KPTN: variants seen among roughly 807,000 people sequenced by gnomAD.
KPTN encodes the protein kaptin, actin binding protein.
A neutral mutation model predicts 52.6 loss-of-function variants in KPTN; 36 were observed. The observed-to-expected ratio is 0.68, with a 90% CI of 0.52 to 0.90. The LOEUF is 0.90. KPTN is among the 40% of genes least tolerant of loss of function. The pLI is 0.00. For missense variants in KPTN, 529 were observed against 576.2 expected (o/e 0.92, Z 0.84); for synonymous variants, 271 against 248.4 (o/e 1.09, Z -0.85).
Position 47,476,823 on chromosome 19 carries a change from G to T in KPTN, c.979C>A (p.Leu327Met). The change falls in exon 10 of 12, where the codon CTG (leucine) becomes ATG (methionine). Residue 327 changes from leucine (L) to methionine (M), a missense_variant. Leu to Met is a conservative substitution (Grantham distance 15). Coordinates refer to ENST00000338134, the MANE Select transcript of KPTN (RefSeq NM_007059.4). ...CCCACCTGTCCATAGGTGGCCACCA[G>T]GACTTCTGGCCGCCCATCCAAATCC... ...DVDLDGRPEV[L>M]VATYGQELLC... is the part of the protein sequence containing the mutation. 1 of 1,585,972 alleles carries T rather than the reference G, an allele frequency of 6.3e-7. No homozygotes were observed. The highest frequency in any genetic ancestry group is 2.3e-5 in the East Asian group (1 of 43,584).
At position 47,483,936 on chromosome 19, in the gene KPTN, G is replaced by A; in HGVS notation, c.225C>T (p.Pro75=). ...VAKELQFNYI[P]VDAEIVSIDT... Reference sequence around the variant, plus strand: ...CCCCAGCACCATAGCGCCACCCACCGGGAATGTAGTTGAACTGCAGCTCCT... The same window carrying A: ...CCCCAGCACCATAGCGCCACCCACCAGGAATGTAGTTGAACTGCAGCTCCT... The change falls in exon 1 of 12, where the codon CCC becomes CCT. Residue 75 remains proline (P), a splice_region_variant and synonymous_variant. Coordinates refer to ENST00000338134, the MANE Select transcript of KPTN (RefSeq NM_007059.4). 6.2e-7 allele frequency: 1 copy of A among 1,612,460 alleles called. No homozygotes were observed.
At chr19:47,482,622 C>A (rs1967922354) in intron 4 of KPTN, among the ~76,000 whole-genome samples, 1 of 152,120 alleles carries the variant, frequency 6.6e-6, no homozygotes, top group Non-Finnish European at 1.5e-5. Context: ...TGCACATGTG[C>A]TCCCTGTTAT....
chr19:47,484,943 G>A (rs1315541176), upstream of KPTN, among the ~76,000 whole-genome samples: 4 of 152,018 alleles, frequency 2.6e-5, no homozygotes, highest in Non-Finnish European at 5.9e-5. Context: ...CAGGTGATCC[G>A]CCCACCTCGG....
In KPTN at chr19:47,480,248, C is replaced by G; in HGVS notation, c.709+50G>C. ...AGCCCTCAGCCCCACCCTGGCCCCG[C>G]CCTCTAGCCCTCAACCCCACCCCTT... is the stretch of plus-strand genomic sequence containing the variant. On this transcript the variant is annotated intron_variant, in intron 7 of 11. Transcript: ENST00000338134. 3 of 1,169,654 alleles carry G rather than the reference C, an allele frequency of 2.6e-6. No homozygotes were observed. The East Asian group carries it at 7.9e-5, about 31-fold the overall frequency. The allele number at this position is 1,169,654 out of a possible 1,614,324, so 72.5% of individuals were successfully genotyped here. A position where few individuals can be genotyped will look rare whatever the true frequency, so the allele number is the denominator to read the frequency against.
chr19:47,485,042 TAC>T (rs1016040411), upstream of KPTN, among the ~76,000 whole-genome samples: 59 of 152,222 alleles, frequency 3.9e-4, no homozygotes, highest in African/African-American at 1.4e-3. Context: ...AAATAATTAA[TAC>T]ATTCTTCTTG....
At chr19:47,477,236 C>T (rs191542318) in intron 9 of KPTN, among the ~76,000 whole-genome samples, 102 of 152,320 alleles carry the variant, frequency 6.7e-4, no homozygotes, top group Admixed American at 1.1e-3. Context: ...ACGCTGCCTT[C>T]GTGGAGCCCG....
chr19:47,476,419 T>G (rs1042169805), intron 11 of KPTN, 113 bp downstream of exon 11: 6 of 771,424 alleles, frequency 7.8e-6, no homozygotes, highest in Non-Finnish European at 1.1e-5. Flanking sequence ...TTGTCCTGAC[T>G]GGTAGGAACT....
chr19:47,476,007 CA>C (rs113284887), intron 11 of KPTN: 3,043 of 83,046 alleles, frequency 0.037, 50 homozygotes, highest in African/African-American at 0.087. Flanking sequence ...ACAAAAAAAC[CA>C]AAAAAAAAAA....
chr19:47,479,502 G>A (rs1487228868), intron 8 of KPTN, among the ~76,000 whole-genome samples: 1 of 152,176 alleles, frequency 6.6e-6, no homozygotes, highest in African/African-American at 2.4e-5. Flanking sequence ...GGGCCACAGA[G>A]CGGGGTGAGG....
intron 1 of KPTN, 47 bp from the exon 2 acceptor site, chr19:47,483,631 C>T: frequency 7.4e-7 from 1 of 1,359,758 alleles, no homozygotes; most frequent in Non-Finnish European, 1.0e-6. Flanking sequence ...ACTCATGCTT[C>T]CAATCTCCCC....
In KPTN at chr19:47,476,805, G is replaced by C; in HGVS notation, c.997C>G (p.Gln333Glu). Residue 333 changes from glutamine (Q) to glutamate (E), a missense_variant and splice_region_variant, in exon 10 of 12, where the codon CAG becomes GAG. Transcript: ENST00000338134. ...TGGCTCCAACTGTCAGGTCCCACCT[G>C]TCCATAGGTGGCCACCAGGACTTCT... ...RPEVLVATYG[Q>E]ELLCYKYRGP... The C allele has an allele frequency of 6.3e-7, 1 of 1,590,062 alleles. No individual in the cohort carries two copies. The highest frequency in any genetic ancestry group is 8.6e-7 in the Non-Finnish European group (1 of 1,168,230).
Position 47,475,224 on chromosome 19 carries a change from C to A in KPTN, c.*192G>T, listed in dbSNP as rs1164832742. 7 of 545,042 alleles carry A rather than the reference C, an allele frequency of 1.3e-5. No homozygotes were observed. The highest frequency in any genetic ancestry group is 3.8e-5 in the African/African-American group (2 of 52,588). The allele number at this position is 545,042 out of a possible 1,614,324, so 33.8% of individuals were successfully genotyped here. On this transcript the variant is annotated 3_prime_UTR_variant, in exon 12 of 12. Coordinates refer to ENST00000338134, the MANE Select transcript of KPTN (RefSeq NM_007059.4). Reference sequence around the variant, plus strand: ...CAGAGTGGACAGGGTGGAATGGGATCATCCCTGCTTTCAAATAGGGACATT... The same window carrying A: ...CAGAGTGGACAGGGTGGAATGGGATAATCCCTGCTTTCAAATAGGGACATT...
chr19:47,476,456 C>T, intron 11 of KPTN, 76 bp downstream of exon 11: 3 of 1,289,930 alleles, frequency 2.3e-6, no homozygotes, highest in Non-Finnish European at 3.2e-6. Context: ...TTCCTCCCTC[C>T]CCCAGGAGGA....
In KPTN at chr19:47,483,535, C is replaced by T. The variant is rs752619138; in HGVS notation, c.276G>A (p.Lys92=). The part of the protein sequence containing the change: ...SIDTFNKSPP[K]RGLVVGITFI... Reference sequence around the variant, plus strand: ...ACGTGATCCCCACAACCAGACCCCGCTTGGGGGGTGACTTGTTGAAAGTGT... The same window carrying T: ...ACGTGATCCCCACAACCAGACCCCGTTTGGGGGGTGACTTGTTGAAAGTGT... Residue 92 remains lysine (K), a synonymous_variant, in exon 2 of 12, where the codon AAG becomes AAA. Transcript: ENST00000338134. 1.3e-6 allele frequency: 2 copies of T among 1,581,182 alleles called. No homozygotes were observed. The highest frequency in any genetic ancestry group is 2.3e-5 in the South Asian group (2 of 87,908).
At chr19:47,477,569 C>A in intron 9 of KPTN, 137 bp downstream of exon 9, 2 of 643,904 alleles carry the variant, frequency 3.1e-6, no homozygotes, top group East Asian at 2.9e-5. Flanking sequence ...CAGCCCCCAC[C>A]CCTGGGTCAC....
At chr19:47,477,961 G>A (rs1967732357) in intron 8 of KPTN, among the ~76,000 whole-genome samples, 180 bp from the exon 9 acceptor site, 1 of 152,080 alleles carries the variant, frequency 6.6e-6, no homozygotes, top group African/African-American at 2.4e-5. Flanking sequence ...TCAGGAGGCT[G>A]AGGCAGGAGA....
At chr19:47,478,567 T>TAA (rs757744803) in intron 8 of KPTN, among the ~76,000 whole-genome samples, 3 of 66,234 alleles carry the variant, frequency 4.5e-5, no homozygotes, top group Non-Finnish European at 5.7e-5. Flanking sequence ...AGACTCTGTC[T>TAA]AAAAAAAAAA....
chr19:47,482,287 G>C (rs753564777), intron 4 of KPTN, among the ~76,000 whole-genome samples: 6 of 152,068 alleles, frequency 3.9e-5, no homozygotes, highest in Non-Finnish European at 8.8e-5. Flanking sequence ...TCAGGAGTTC[G>C]AGACTAGCCT....
chr19:47,476,665 G>A lies in KPTN; in HGVS notation c.1049C>T (p.Ala350Val), dbSNP rs1568453275. 6.2e-7 allele frequency: 1 copy of A among 1,612,868 alleles called. No individual in the cohort carries two copies. The highest frequency in any genetic ancestry group is 2.2e-5 in the East Asian group (1 of 44,698). Residue 350 changes from alanine to valine, a missense_variant, in exon 11 of 12, where the codon GCC (alanine) becomes GTC (valine). By Grantham distance (64) the Ala-to-Val change is moderately conservative (BLOSUM62 0). Transcript: ENST00000338134. ...YRGPESGLPE[A>V]QHGFHLLWQR... is the part of the protein sequence containing the mutation. Reference sequence around the variant, plus strand: ...CCACAGCAGATGGAACCCGTGCTGGGCCTCAGGAAGCCCCGACTCTGGGCC... The same window carrying A: ...CCACAGCAGATGGAACCCGTGCTGGACCTCAGGAAGCCCCGACTCTGGGCC...
Sources: gnomAD v4.1 joint callset for allele counts (sites outside exome capture counted in the v4.1 genomes callset) on GRCh38, gnomAD v4.1.1 for gene constraint, MANE v1.5 for transcripts, NCBI Gene and HGNC (gene_info 2026-07-23, HGNC 2026-07-21) for gene names.